The following ONECUT2 variants were observed in gnomAD, a reference collection of about 807,000 sequenced individuals.
ONECUT2 encodes the protein one cut homeobox 2.
In ONECUT2, 10 loss-of-function variants were observed where a neutral mutation model predicts 27.9. The observed-to-expected ratio is 0.36, with a 90% CI of 0.22 to 0.61. The LOEUF (loss-of-function observed/expected upper bound fraction) is 0.61, where lower values mean the gene tolerates loss of function less well. Among genes scored for constraint, ONECUT2 ranks in the 20% least tolerant of loss-of-function variants. The pLI is 0.73. For synonymous variants in ONECUT2, 334 were observed against 315.1 expected, an observed-to-expected ratio of 1.06 and a Z score of -0.64; for missense variants, 686 against 721.0, an observed-to-expected ratio of 0.95 and a Z score of 0.56.
At chr18:57,464,659 G>GT (rs2050310912) in intron 1 of ONECUT2, among the ~76,000 whole-genome samples, 1 of 152,134 alleles carries the variant, frequency 6.6e-6, no homozygotes, top group African/African-American at 2.4e-5. Context: ...GAAACAATTT[G>GT]TTTTTAAACA....
intron 1 of ONECUT2, chr18:57,444,490 CA>C (rs2050191451): frequency 2.2e-6 from 1 of 454,470 alleles, no homozygotes; most frequent in Admixed American, 2.4e-5. Flanking sequence ...CTTCCCACTC[CA>C]CCCCAGTGCC....
chr18:57,435,882 G>T lies in ONECUT2; in HGVS notation c.166G>T (p.Gly56Cys). ...GGGGGGGGGP[G>C]HEQELLASPS... is the part of the protein sequence containing the mutation. ...CGGCGGGGGCGGCGGCGGGGGCCCGGGCCATGAGCAGGAGCTGCTGGCCAG... is the reference window on the plus strand; with the variant it reads ...CGGCGGGGGCGGCGGCGGGGGCCCGTGCCATGAGCAGGAGCTGCTGGCCAG... The change falls in exon 1 of 2, where the codon GGC (glycine) becomes TGC (cysteine). Residue 56 changes from glycine to cysteine, a missense_variant. By Grantham distance (159) the Gly-to-Cys change is radical (BLOSUM62 -3). Around this residue, in one of 4 missense-constraint regions of ONECUT2, gnomAD observed 511 missense variants for 488.1 expected, o/e 1.05. Transcript: ENST00000491143. 9.3e-7 allele frequency: 1 copy of T among 1,074,852 alleles called. No homozygotes were observed. Among genetic ancestry groups the T allele is most frequent in the Non-Finnish European group, 1.1e-6 (1 of 890,036 alleles). 66.6% of individuals were successfully genotyped at this position (1,074,852 alleles called of 1,614,324 possible).
At chr18:57,454,731 C>T (rs1487142627) in intron 1 of ONECUT2, among the ~76,000 whole-genome samples, 1 of 152,146 alleles carries the variant, frequency 6.6e-6, no homozygotes, top group Non-Finnish European at 1.5e-5. Flanking sequence ...CATCACTGGG[C>T]ATGCTGTTTG....
rs2050398364 is a variant in ONECUT2, at chr18:57,478,552, A to G, written c.*1829A>G. ...AAACAGGGAGACACACTGTGTTCAA[A>G]CAGACCTCTTGGGACATTTTTTGGA... On this transcript the variant is annotated 3_prime_UTR_variant, in exon 2 of 2. Coordinates refer to ENST00000491143, the MANE Select transcript of ONECUT2 (RefSeq NM_004852.3). 1.3e-5 allele frequency: 2 copies of G among 152,700 alleles called. No homozygotes were observed. Among genetic ancestry groups the G allele is most frequent in the South Asian group, 4.1e-4 (2 of 4,836 alleles). The allele number at this position is 152,700 out of a possible 1,614,324, so 9.5% of individuals were successfully genotyped here.
chr18:57,448,494 A>G (rs982929566), intron 1 of ONECUT2, among the ~76,000 whole-genome samples: 2 of 152,348 alleles, frequency 1.3e-5, no homozygotes, highest in South Asian at 2.1e-4. Flanking sequence ...ATGAGCAGGA[A>G]CATATCTGAA....
intron 1 of ONECUT2, among the ~76,000 whole-genome samples, chr18:57,441,058 C>A (rs907783184): frequency 6.6e-6 from 1 of 152,178 alleles, no homozygotes; most frequent in African/African-American, 2.4e-5. Flanking sequence ...GAGGCGGGAC[C>A]CGAGGGAGGA....
rs188084083 is a variant in ONECUT2 at position 57,443,489 on chromosome 18, C to T, written c.1228+6545C>T. On this transcript the variant is annotated intron_variant, in intron 1 of 1. Coordinates refer to ENST00000491143, the MANE Select transcript of ONECUT2 (RefSeq NM_004852.3). Reference sequence around the variant, plus strand: ...ATTTATGCTGTCAGGTATAGAGCTCCGTCAGGCTAACTCACCCTGTGGGGC... The same window carrying T: ...ATTTATGCTGTCAGGTATAGAGCTCTGTCAGGCTAACTCACCCTGTGGGGC... Among the ~76,000 whole-genome samples the T allele has an allele frequency of 6.8e-4, 103 of 152,282 alleles. 1 individual carries two copies. Among genetic ancestry groups the T allele is most frequent in the East Asian group, 1.5e-3 (8 of 5,180 alleles).
rs1355291043 is a variant in ONECUT2, at chr18:57,484,568, G to A, written c.*7845G>A. On this transcript the variant is annotated 3_prime_UTR_variant, in exon 2 of 2. Transcript: ENST00000491143. ...ATTCCTTAAATTCTGATTACAAATT[G>A]AGGAAGGAAACTGGTTGGAAATGGC... The A allele has an allele frequency of 6.6e-6, 1 of 152,566 alleles. No homozygotes were observed. Among genetic ancestry groups the A allele is most frequent in the Non-Finnish European group, 1.5e-5 (1 of 68,048 alleles). 9.5% of individuals were successfully genotyped at this position (152,566 alleles called of 1,614,324 possible).
chr18:57,473,229 CA>C (rs2050363712), intron 1 of ONECUT2, among the ~76,000 whole-genome samples: 2 of 152,212 alleles, frequency 1.3e-5, no homozygotes, highest in South Asian at 4.1e-4. Context: ...CCATTCCCTA[CA>C]AGAGAAGTGT....
intron 1 of ONECUT2, among the ~76,000 whole-genome samples, chr18:57,473,112 G>A (rs542813098): frequency 6.6e-6 from 1 of 152,332 alleles, no homozygotes; most frequent in Admixed American, 6.5e-5. Flanking sequence ...TAGAAGCACA[G>A]ATTCCAGAAC....
intron 1 of ONECUT2, among the ~76,000 whole-genome samples, chr18:57,440,651 G>A (rs1429986202): frequency 2.0e-5 from 3 of 152,246 alleles, no homozygotes; most frequent in African/African-American, 7.2e-5. Flanking sequence ...GCGGGACACG[G>A]CCCGGGCAGT....
Position 57,480,210 on chromosome 18 carries a change from T to C in ONECUT2, c.*3487T>C, listed in dbSNP as rs2050408857. On this transcript the variant is annotated 3_prime_UTR_variant, in exon 2 of 2. Coordinates refer to ENST00000491143, the MANE Select transcript of ONECUT2 (RefSeq NM_004852.3). ...ATAATTCATCCTTCCTAGGAGATTGTTCATTGGCTCTTCCCTTGTGTCCCT... is the reference window on the plus strand; with the variant it reads ...ATAATTCATCCTTCCTAGGAGATTGCTCATTGGCTCTTCCCTTGTGTCCCT... 6.6e-6 allele frequency: 1 copy of C among 152,224 alleles called. No homozygotes were observed. The allele number at this position is 152,224 out of a possible 1,614,324, so 9.4% of individuals were successfully genotyped here.
chr18:57,490,539 C>T lies in ONECUT2; in HGVS notation c.*13816C>T, dbSNP rs931752354. ...AAAGTTTCAAAATTTAAAAAGGGAC[C>T]CATTAAATTATGGGAAAATGGCTAT... On this transcript the variant is annotated 3_prime_UTR_variant, in exon 2 of 2. Coordinates refer to ENST00000491143, the MANE Select transcript of ONECUT2 (RefSeq NM_004852.3). The T allele has an allele frequency of 6.6e-6, 1 of 151,980 alleles. No homozygotes were observed. Among genetic ancestry groups the T allele is most frequent in the African/African-American group, 2.4e-5 (1 of 41,364 alleles). The allele number at this position is 151,980 out of a possible 1,614,324, so 9.4% of individuals were successfully genotyped here.
chr18:57,455,131 T>A (rs2050252015), intron 1 of ONECUT2, among the ~76,000 whole-genome samples: 1 of 152,202 alleles, frequency 6.6e-6, no homozygotes, highest in Non-Finnish European at 1.5e-5. Context: ...CTTTTCTGTT[T>A]TTGATATGTC....
rs926189144 is a variant in ONECUT2 at position 57,489,851 on chromosome 18, A to G, written c.*13128A>G. ...TTTCTGAAACAAAAACACAAGCTCCACATTGATAACTTGATAAATAACCAC... is the reference window on the plus strand; with the variant it reads ...TTTCTGAAACAAAAACACAAGCTCCGCATTGATAACTTGATAAATAACCAC... On this transcript the variant is annotated 3_prime_UTR_variant, in exon 2 of 2. Coordinates refer to ENST00000491143, the MANE Select transcript of ONECUT2 (RefSeq NM_004852.3). The G allele has an allele frequency of 1.3e-5, 2 of 152,212 alleles. No individual in the cohort carries two copies. Among genetic ancestry groups the G allele is most frequent in the Non-Finnish European group, 2.9e-5 (2 of 68,034 alleles). The allele number at this position is 152,212 out of a possible 1,614,324, so 9.4% of individuals were successfully genotyped here.
chr18:57,473,342 C>A (rs2050364402), intron 1 of ONECUT2, among the ~76,000 whole-genome samples: 2 of 152,210 alleles, frequency 1.3e-5, no homozygotes, highest in African/African-American at 4.8e-5. Context: ...AAATGAAAAT[C>A]ATTTTTCCTG....
At chr18:57,452,179 T>C (rs2050234103) in intron 1 of ONECUT2, among the ~76,000 whole-genome samples, 2 of 152,146 alleles carry the variant, frequency 1.3e-5, no homozygotes. Flanking sequence ...ACCACGCCTC[T>C]TTGTATTGAG....
chr18:57,479,750 G>A lies in ONECUT2; in HGVS notation c.*3027G>A, dbSNP rs2050406130. 6.6e-6 allele frequency: 1 copy of A among 152,508 alleles called. No homozygotes were observed. Among genetic ancestry groups the A allele is most frequent in the Admixed American group, 6.5e-5 (1 of 15,268 alleles). 9.4% of individuals were successfully genotyped at this position (152,508 alleles called of 1,614,324 possible). A position where few individuals can be genotyped will look rare whatever the true frequency, so the allele number is the denominator to read the frequency against. The stretch of plus-strand genomic sequence containing the variant: ...GGTGCTCATCTTCTGTAACTGTTGG[G>A]AAGGCTCGGTGGTCCATTTTCACCA... On this transcript the variant is annotated 3_prime_UTR_variant, in exon 2 of 2. Coordinates refer to ENST00000491143, the MANE Select transcript of ONECUT2 (RefSeq NM_004852.3).
At chr18:57,447,858 G>C (rs1021130252) in intron 1 of ONECUT2, among the ~76,000 whole-genome samples, 2 of 152,168 alleles carry the variant, frequency 1.3e-5, no homozygotes, top group Non-Finnish European at 2.9e-5. Context: ...TCTAGAAACT[G>C]GATTTGATTT....
Sources: gnomAD v4.1 joint callset for allele counts (sites outside exome capture counted in the v4.1 genomes callset) on GRCh38, gnomAD v4.1.1 for gene constraint, gnomAD v4.1.1 regional missense constraint, MANE v1.5 for transcripts, NCBI Gene and HGNC (gene_info 2026-07-23, HGNC 2026-07-21) for gene names.